CLDN14: variants seen among roughly 807,000 people sequenced by gnomAD.
CLDN14 encodes the protein claudin 14.
CLDN14 carries 2 observed loss-of-function variants against 2.1 expected under a neutral mutation model. That is an observed-to-expected ratio of 0.96 (90% CI 0.39 to 3.01). The LOEUF (loss-of-function observed/expected upper bound fraction) is 3.01, where lower values mean the gene tolerates loss of function less well. Ranked by LOEUF, CLDN14 falls within the 30% of genes most tolerant of loss-of-function variation. The probability of loss-of-function intolerance (pLI) is 0.09; values close to 1 mark genes in which losing one functional copy is unlikely to be tolerated. For synonymous variants in CLDN14, 136 were observed against 154.4 expected (o/e 0.88, Z 0.88); for missense variants, 298 against 328.0 (o/e 0.91, Z 0.71).
At chr21:36,523,781 G>GAGAGAGAGAGAGAGAGAGAGAGAAAGAA (rs1568868851) in intron 1 of CLDN14, among the ~76,000 whole-genome samples, 2 of 38,384 alleles carry the variant, frequency 5.2e-5, no homozygotes, top group African/African-American at 1.5e-4. Context: ...GAGAGAAAGA[G>GAGAGAGAGAGAGAGAGAGAGAGAAAGAA]AGAAAGAAAG....
intron 1 of CLDN14, among the ~76,000 whole-genome samples, chr21:36,516,543 T>C (rs1172434572): frequency 1.3e-5 from 2 of 152,230 alleles, no homozygotes; most frequent in African/African-American, 4.8e-5. Context: ...CATCAAAAGG[T>C]ACAAGTATTA....
At chr21:36,537,300 C>G (rs1458381285) in intron 1 of CLDN14, among the ~76,000 whole-genome samples, 1 of 152,116 alleles carries the variant, frequency 6.6e-6, no homozygotes, top group African/African-American at 2.4e-5. Flanking sequence ...CAGCTAGGCC[C>G]TTCAGAAAGT....
chr21:36,555,062 C>G (rs969720370), intron 1 of CLDN14, among the ~76,000 whole-genome samples: 3 of 152,272 alleles, frequency 2.0e-5, no homozygotes, highest in African/African-American at 7.2e-5. Context: ...TAACCAGAGG[C>G]CTGGCACATG....
chr21:36,521,589 G>T (rs1568867910), intron 1 of CLDN14, among the ~76,000 whole-genome samples: 1 of 152,232 alleles, frequency 6.6e-6, no homozygotes, highest in African/African-American at 2.4e-5. Context: ...GCTTGGGATT[G>T]TTTTGCCAAG....
intron 2 of CLDN14, among the ~76,000 whole-genome samples, chr21:36,494,522 A>G (rs765325348): frequency 4.6e-5 from 7 of 152,184 alleles, no homozygotes; most frequent in Non-Finnish European, 1.5e-5. Context: ...CCAAATTTAT[A>G]TGTTGAAGTC....
At position 36,563,205 on chromosome 21, in the gene CLDN14, G is replaced by A. The variant is rs375219036; in HGVS notation, c.-220+13206C>T. Among the ~76,000 whole-genome samples, 18 of 152,298 alleles carry A rather than the reference G, an allele frequency of 1.2e-4. No individual in the cohort carries two copies. The South Asian group carries it at 1.7e-3, about 14-fold the overall frequency. ...GACACTGTTTTGAAAAGTTAATCAC[G>A]GAGGGCTTTGAAGGGTTTCATCTAG... On this transcript the variant is annotated intron_variant, in intron 1 of 2. Coordinates refer to the CLDN14 transcript ENST00000342108.
intron 1 of CLDN14, among the ~76,000 whole-genome samples, chr21:36,472,029 A>G (rs1392172549): frequency 6.6e-6 from 1 of 152,256 alleles, no homozygotes; most frequent in Non-Finnish European, 1.5e-5. Context: ...GATATGCCAA[A>G]CATGTGCTAA....
At chr21:36,461,871 C>T (rs1601589082) in intron 1 of CLDN14, 95 bp from the exon 2 acceptor site, 1 of 837,832 alleles carries the variant, frequency 1.2e-6, no homozygotes, top group Non-Finnish European at 1.8e-6. Flanking sequence ...CCAAGTTTTT[C>T]ATAGGTGGTT....
chr21:36,519,747 C>CA lies in CLDN14; in HGVS notation c.-219-9248dup, dbSNP rs1001444274. Among the ~76,000 whole-genome samples the CA allele has an allele frequency of 4.6e-5, 7 of 151,560 alleles. No individual in the cohort carries two copies. The East Asian group carries it at 9.7e-4, about 21-fold the overall frequency. ...AACAACAACAACAAAACCCCAAAAA[C>CA]AAAAAAACCCACAACCTATTGTCCA... On this transcript the variant is annotated intron_variant, in intron 1 of 2. Coordinates refer to the CLDN14 transcript ENST00000342108.
chr21:36,536,004 A>C (rs1228975365), intron 1 of CLDN14, among the ~76,000 whole-genome samples: 1 of 152,144 alleles, frequency 6.6e-6, no homozygotes, highest in African/African-American at 2.4e-5. Flanking sequence ...CCATCTGTAA[A>C]CGTTCTCCAG....
At position 36,544,650 on chromosome 21, in the gene CLDN14, C is replaced by T. The variant is rs755462336; in HGVS notation, c.-220+31761G>A. Among the ~76,000 whole-genome samples, 17 of 152,156 alleles carry T rather than the reference C, an allele frequency of 1.1e-4. No individual in the cohort carries two copies. The highest frequency in any genetic ancestry group is 3.9e-4 in the Admixed American group (6 of 15,280). On this transcript the variant is annotated intron_variant, in intron 1 of 2. Transcript: ENST00000342108. The surrounding 1 kb of genome is among the most constrained non-coding windows in gnomAD (Gnocchi z 4.1). ...TTCTCTGTATTTTATCCAAATATGC[C>T]GTGGACTTTGAAATGAACTCTTTAC... is the stretch of plus-strand genomic sequence containing the variant.
chr21:36,496,429 C>G, intron 2 of CLDN14, among the ~76,000 whole-genome samples: 1 of 100,440 alleles, frequency 1.0e-5, no homozygotes, highest in African/African-American at 3.8e-5. Context: ...AGAGTGAGAC[C>G]TTGTTTCAAA....
Position 36,510,207 on chromosome 21 carries a change from G to A in CLDN14, c.-82+156C>T, listed in dbSNP as rs1254339532. Among the ~76,000 whole-genome samples the A allele has an allele frequency of 2.0e-5, 3 of 152,246 alleles. No homozygotes were observed. The East Asian group carries it at 5.8e-4, about 29-fold the overall frequency. On this transcript the variant is annotated intron_variant, in intron 2 of 2. Coordinates refer to the CLDN14 transcript ENST00000342108. ...GACTGGAAATACCGGAAAAGCGGTG[G>A]CAGCTGCCCTCAGAGGCAGTGTCAG... is the stretch of plus-strand genomic sequence containing the variant.
intron 1 of CLDN14, among the ~76,000 whole-genome samples, chr21:36,522,494 C>A (rs9978301): frequency 0.16 from 24,155 of 152,198 alleles, 2,368 homozygotes; most frequent in Non-Finnish European, 0.22. Context: ...GGAATTCCCT[C>A]CCCTCCATCC....
chr21:36,541,580 T>C (rs1275603845), intron 1 of CLDN14, among the ~76,000 whole-genome samples: 1 of 152,232 alleles, frequency 6.6e-6, no homozygotes, highest in Non-Finnish European at 1.5e-5. Context: ...TATTTTCAAC[T>C]TCGAAAGCAT....
chr21:36,468,951 G>T (rs1183069621), intron 1 of CLDN14, among the ~76,000 whole-genome samples: 1 of 151,884 alleles, frequency 6.6e-6, no homozygotes, highest in South Asian at 2.1e-4. Flanking sequence ...GTAGAGAGAT[G>T]GTTTCACCAT....
intron 1 of CLDN14, among the ~76,000 whole-genome samples, chr21:36,475,737 C>CT (rs557800353): frequency 2.6e-5 from 4 of 152,002 alleles, no homozygotes; most frequent in Non-Finnish European, 5.9e-5. Flanking sequence ...ATTGATTTAA[C>CT]TTTTTTTATT....
intron 2 of CLDN14, among the ~76,000 whole-genome samples, chr21:36,503,040 G>A (rs1398673747): frequency 6.6e-6 from 1 of 152,116 alleles, no homozygotes; most frequent in Non-Finnish European, 1.5e-5. Context: ...AGAACTACTG[G>A]GTTTAGACAA....
At chr21:36,533,992 A>G (rs183117889) in intron 1 of CLDN14, among the ~76,000 whole-genome samples, 5 of 152,350 alleles carry the variant, frequency 3.3e-5, no homozygotes, top group Admixed American at 1.3e-4. Flanking sequence ...TGAACTTAAA[A>G]TAAAACTTAA....
Sources: allele counts gnomAD v4.1 joint callset (sites outside exome capture counted in the v4.1 genomes callset), GRCh38; gene constraint gnomAD v4.1.1; non-coding constraint Gnocchi (gnomAD v3.1); transcripts MANE v1.5; gene names NCBI Gene and HGNC (gene_info 2026-07-23, HGNC 2026-07-21).